NIBAN1: variants seen among roughly 807,000 people sequenced by gnomAD.
NIBAN1 encodes protein Niban 1.
A neutral mutation model predicts 75.1 loss-of-function variants in NIBAN1; 81 were observed. The observed-to-expected ratio is 1.08, with a 90% confidence interval of 0.90 to 1.30. The LOEUF (loss-of-function observed/expected upper bound fraction) is 1.30. Among genes scored for constraint, NIBAN1 ranks in the 50% most tolerant of loss-of-function variants. NIBAN1 has a pLI of 0.00. For missense variants in NIBAN1, 1,133 were observed against 1,128.1 expected (o/e 1.00, Z -0.06); for synonymous variants, 436 against 424.8 (o/e 1.03, Z -0.32).
chr1:184,917,505 G>A (rs147590960), intron 1 of NIBAN1, among the ~76,000 whole-genome samples: 3 of 151,110 alleles, frequency 2.0e-5, no homozygotes, highest in Non-Finnish European at 4.4e-5. Context: ...CACCCTGCCC[G>A]GCCGGTCTCT....
intron 9 of NIBAN1, among the ~76,000 whole-genome samples, chr1:184,811,258 C>T (rs1654367789): frequency 6.6e-6 from 1 of 152,032 alleles, no homozygotes; most frequent in Admixed American, 6.6e-5. Flanking sequence ...TGTTCTACCC[C>T]TTTTTTCATT....
At chr1:184,802,572 C>G (rs557125810) in intron 12 of NIBAN1, among the ~76,000 whole-genome samples, 3 of 152,126 alleles carry the variant, frequency 2.0e-5, no homozygotes, top group Admixed American at 6.5e-5. Flanking sequence ...ATATCTAATA[C>G]GCTATGAGGA....
Position 184,793,731 on chromosome 1 carries a change from A to G in NIBAN1, c.*1246T>C. 1 of 152,202 alleles carries G rather than the reference A, an allele frequency of 6.6e-6. No homozygotes were observed. 9.4% of individuals were successfully genotyped at this position (152,202 alleles called of 1,614,324 possible). On this transcript the variant is annotated 3_prime_UTR_variant, in exon 14 of 14. Coordinates refer to ENST00000367511, the MANE Select transcript of NIBAN1 (RefSeq NM_052966.4). ...TCAACATTAATGGTTATAGGTCACC[A>G]TCCGTTAAGAAGATGTGTTTTGTCT...
chr1:184,904,325 C>T (rs911200369), intron 1 of NIBAN1, among the ~76,000 whole-genome samples: 6 of 152,104 alleles, frequency 3.9e-5, no homozygotes, highest in African/African-American at 9.7e-5. Context: ...ATCACACCCA[C>T]CCTAAATTTT....
chr1:184,828,801 G>A (rs1228086821), intron 6 of NIBAN1, among the ~76,000 whole-genome samples: 2 of 119,374 alleles, frequency 1.7e-5, no homozygotes, highest in Non-Finnish European at 3.7e-5. Flanking sequence ...TCTGAGAGAA[G>A]CAAAACCATT....
intron 1 of NIBAN1, among the ~76,000 whole-genome samples, chr1:184,913,154 T>TAATATATA (rs1553227228): frequency 1.8e-4 from 26 of 146,670 alleles, no homozygotes; most frequent in African/African-American, 6.2e-4. Context: ...TATATATATA[T>TAATATATA]TATATATATA....
intron 1 of NIBAN1, among the ~76,000 whole-genome samples, chr1:184,910,381 C>T (rs2102003906): frequency 6.6e-6 from 1 of 152,220 alleles, no homozygotes; most frequent in South Asian, 2.1e-4. Context: ...GATGGGATCA[C>T]AATCGTCCTT....
At chr1:184,871,217 T>C (rs1656097733) in intron 5 of NIBAN1, among the ~76,000 whole-genome samples, 1 of 151,630 alleles carries the variant, frequency 6.6e-6, no homozygotes, top group East Asian at 1.9e-4. Flanking sequence ...CATGGTGGTG[T>C]GTGCCTGTAA....
chr1:184,960,437 A>T (rs1469085415), intron 1 of NIBAN1, among the ~76,000 whole-genome samples: 4 of 152,102 alleles, frequency 2.6e-5, no homozygotes, highest in African/African-American at 9.7e-5. Flanking sequence ...ACAGTTTAAA[A>T]TTTTTTCTTC....
intron 1 of NIBAN1, among the ~76,000 whole-genome samples, chr1:184,910,781 T>C (rs977289369): frequency 7.2e-5 from 11 of 152,120 alleles, no homozygotes; most frequent in Admixed American, 1.3e-4. Context: ...GTAAAGCCGA[T>C]TGGGCAATGT....
At chr1:184,868,832 ACGGG>A (rs1656024294) in intron 5 of NIBAN1, among the ~76,000 whole-genome samples, 1 of 152,196 alleles carries the variant, frequency 6.6e-6, no homozygotes, top group Non-Finnish European at 1.5e-5. Flanking sequence ...AGTTTAGAAC[ACGGG>A]CTTGAAGTCG....
intron 1 of NIBAN1, among the ~76,000 whole-genome samples, chr1:184,965,919 G>A (rs572433810): frequency 4.2e-4 from 64 of 152,316 alleles, no homozygotes; most frequent in Admixed American, 8.5e-4. Flanking sequence ...GTAAACTCCA[G>A]ACTGTGAAAA....
chr1:184,879,400 CA>C (rs1318033490), intron 5 of NIBAN1, among the ~76,000 whole-genome samples: 1 of 152,066 alleles, frequency 6.6e-6, no homozygotes, highest in Non-Finnish European at 1.5e-5. Context: ...GCATGTGCCA[CA>C]AAATTCAAAA....
intron 1 of NIBAN1, among the ~76,000 whole-genome samples, chr1:184,952,394 C>T (rs940366593): frequency 2.6e-5 from 4 of 152,130 alleles, no homozygotes; most frequent in African/African-American, 9.7e-5. Context: ...GAGCAAGACC[C>T]TGTCTCAAAA....
At chr1:184,922,255 C>A (rs2102020040) in intron 1 of NIBAN1, among the ~76,000 whole-genome samples, 1 of 151,920 alleles carries the variant, frequency 6.6e-6, no homozygotes, top group Non-Finnish European at 1.5e-5. Flanking sequence ...ACAAACAATC[C>A]ATTTATACTT....
rs1653741240 is a variant in NIBAN1 at position 184,793,138 on chromosome 1, G to C, written c.*1839C>G. The C allele has an allele frequency of 6.6e-6, 1 of 152,196 alleles. No homozygotes were observed. Among genetic ancestry groups the C allele is most frequent in the Admixed American group, 6.5e-5 (1 of 15,284 alleles). 9.4% of individuals were successfully genotyped at this position (152,196 alleles called of 1,614,324 possible). A position where few individuals can be genotyped will look rare whatever the true frequency, so the allele number is the denominator to read the frequency against. ...ATTCTTCATGGGAGGGCTGAAAAGG[G>C]TGATATTTTAATTTCTGGTTAAATG... is the stretch of plus-strand genomic sequence containing the variant. On this transcript the variant is annotated 3_prime_UTR_variant, in exon 14 of 14. Transcript: ENST00000367511.
rs187133736 is a variant in NIBAN1, at chr1:184,906,459, C to T, written c.56-7150G>A. Among the ~76,000 whole-genome samples, 135 of 151,842 alleles carry T rather than the reference C, an allele frequency of 8.9e-4. 1 individual carries two copies. The highest frequency in any genetic ancestry group is 7.2e-3 in the Admixed American group (109 of 15,238). On this transcript the variant is annotated intron_variant, in intron 1 of 13. Transcript: ENST00000367511. ...CAGCCTGACTAACATGGAGAAACCC[C>T]GTCCCTACTAAAAATACAAAATTAG...
intron 3 of NIBAN1, 52 bp downstream of exon 3, chr1:184,894,023 C>T (rs980732366): frequency 7.9e-6 from 12 of 1,520,068 alleles, no homozygotes; most frequent in Non-Finnish European, 9.7e-6. Context: ...ATCAACCGAG[C>T]CAAACTTTTA....
At chr1:184,957,568 T>C (rs952726285) in intron 1 of NIBAN1, among the ~76,000 whole-genome samples, 5 of 152,258 alleles carry the variant, frequency 3.3e-5, no homozygotes, top group African/African-American at 4.8e-5. Flanking sequence ...AATCATTTAC[T>C]CTGCAAAGGC....
Sources: gnomAD v4.1 joint callset for allele counts (sites outside exome capture counted in the v4.1 genomes callset) on GRCh38, gnomAD v4.1.1 for gene constraint, MANE v1.5 for transcripts, NCBI Gene and HGNC (gene_info 2026-07-23, HGNC 2026-07-21) for gene names.